SRPK2: variants seen among roughly 807,000 people sequenced by gnomAD.
SRPK2 encodes the protein SRSF protein kinase 2.
In SRPK2, 21 loss-of-function variants were observed where a neutral mutation model predicts 90.8. That is an observed-to-expected ratio of 0.23 (90% CI 0.16 to 0.33). The LOEUF is 0.33. Among genes scored for constraint, SRPK2 ranks in the 10% least tolerant of loss-of-function variants. The pLI is 1.00. For synonymous variants in SRPK2, 288 were observed against 311.1 expected (o/e 0.93, Z 0.78); for missense variants, 620 against 869.0 (o/e 0.71, Z 3.60).
At chr7:105,245,291 TG>T (rs1801490539) in intron 2 of SRPK2, among the ~76,000 whole-genome samples, 1 of 151,738 alleles carries the variant, frequency 6.6e-6, no homozygotes, top group Admixed American at 6.6e-5. Context: ...CCCTCTGCAG[TG>T]GGATGGTAAG....
intron 3 of SRPK2, among the ~76,000 whole-genome samples, chr7:105,198,323 G>A (rs1795159893): frequency 6.7e-6 from 1 of 148,606 alleles, no homozygotes; most frequent in Non-Finnish European, 1.5e-5. Flanking sequence ...CACAAAAGGA[G>A]GTTTGGCTGT....
rs1164727824 is a variant in SRPK2 at position 105,336,752 on chromosome 7, T to TA, written c.71+51895dup. On this transcript the variant is annotated intron_variant, in intron 2 of 15. Coordinates refer to ENST00000393651, the MANE Select transcript of SRPK2 (RefSeq NM_182692.3). Reference sequence around the variant, plus strand: ...GTTCCCAATTCTAATAAATCAACTGTAAAAAGGCATTCCCTACAGTAACTG... The same window carrying TA: ...GTTCCCAATTCTAATAAATCAACTGTAAAAAAGGCATTCCCTACAGTAACTG... Among the ~76,000 whole-genome samples, 4 of 152,306 alleles carry TA rather than the reference T, an allele frequency of 2.6e-5. No homozygotes were observed. In the East Asian group the frequency reaches 7.7e-4, roughly 29 times the overall value.
In SRPK2 at chr7:105,203,613, T is replaced by C. The variant is rs1262550799; in HGVS notation, c.229+15A>G. On this transcript the variant is annotated intron_variant, in intron 3 of 15. Coordinates refer to ENST00000393651, the MANE Select transcript of SRPK2 (RefSeq NM_182692.3). ...GGGGAAGGCAAGCCCCACACCACCA[T>C]GCTTGGCACATCACCTTTGCAGTAG... The C allele has an allele frequency of 1.4e-6, 2 of 1,475,728 alleles. No individual in the cohort carries two copies. Among genetic ancestry groups the C allele is most frequent in the South Asian group, 1.4e-5 (1 of 70,470 alleles). The allele number at this position is 1,475,728 out of a possible 1,614,324, so 91.4% of individuals were successfully genotyped here. A position where few individuals can be genotyped will look rare whatever the true frequency, so the allele number is the denominator to read the frequency against.
At chr7:105,123,992 A>G (rs1800769600) in intron 15 of SRPK2, among the ~76,000 whole-genome samples, 1 of 152,264 alleles carries the variant, frequency 6.6e-6, no homozygotes, top group African/African-American at 2.4e-5. Context: ...AAAGAACTCG[A>G]TCACGTAAGT....
chr7:105,272,416 AAT>A (rs1805944365), intron 2 of SRPK2, among the ~76,000 whole-genome samples: 2 of 152,192 alleles, frequency 1.3e-5, no homozygotes, highest in Admixed American at 1.3e-4. Flanking sequence ...AGTTTGAATA[AAT>A]ATATTTTAAA....
chr7:105,241,399 T>A (rs532539421), intron 2 of SRPK2, among the ~76,000 whole-genome samples: 1 of 152,330 alleles, frequency 6.6e-6, no homozygotes, highest in South Asian at 2.1e-4. Context: ...CAAGTTCATA[T>A]GAAAATCCTG....
intron 15 of SRPK2, among the ~76,000 whole-genome samples, chr7:105,120,525 A>C (rs1382513163): frequency 6.6e-6 from 1 of 152,166 alleles, no homozygotes; most frequent in Non-Finnish European, 1.5e-5. Context: ...ATATCTAACT[A>C]CTTTTAACAA....
intron 2 of SRPK2, among the ~76,000 whole-genome samples, chr7:105,351,383 G>A (rs1031578100): frequency 1.4e-4 from 21 of 151,984 alleles, no homozygotes; most frequent in Admixed American, 6.6e-4. Flanking sequence ...TTAAGGATGG[G>A]CAACAGGCTC....
intron 2 of SRPK2, among the ~76,000 whole-genome samples, chr7:105,290,982 G>A (rs1585561346): frequency 6.9e-6 from 1 of 144,532 alleles, no homozygotes; most frequent in Non-Finnish European, 1.5e-5. Context: ...AGCTTGCAGT[G>A]AGCCGAGATT....
chr7:105,362,996 T>C (rs1018829816), intron 2 of SRPK2, among the ~76,000 whole-genome samples: 5 of 151,910 alleles, frequency 3.3e-5, no homozygotes, highest in Non-Finnish European at 4.4e-5. Context: ...ATGAGAACAC[T>C]TGGACACAGG....
chr7:105,390,352 G>A (rs371992434), upstream of SRPK2, among the ~76,000 whole-genome samples: 14 of 152,100 alleles, frequency 9.2e-5, no homozygotes, highest in Admixed American at 2.0e-4. Context: ...AGGATCATCC[G>A]TTGCATTTAA....
intron 11 of SRPK2, among the ~76,000 whole-genome samples, chr7:105,136,758 T>C (rs1052350399): frequency 1.3e-5 from 2 of 152,116 alleles, no homozygotes; most frequent in African/African-American, 4.8e-5. Context: ...ATCCCCTCTA[T>C]ATGGAGGAGG....
chr7:105,170,825 GAGAAAGAAAGGAAGAAAGAAAGAA>G (rs1246833773), intron 3 of SRPK2, among the ~76,000 whole-genome samples: 2 of 104,286 alleles, frequency 1.9e-5, no homozygotes, highest in African/African-American at 4.3e-5. Flanking sequence ...GGGAGAGAAA[GAGAAAGAAAGGAAGAAAGAAAGAA>G]AGAAAGAAAG....
chr7:105,136,718 A>G (rs979822310), intron 11 of SRPK2, among the ~76,000 whole-genome samples: 6 of 152,234 alleles, frequency 3.9e-5, no homozygotes, highest in Non-Finnish European at 7.3e-5. Context: ...TCTTTACATC[A>G]TAAGGGGTCC....
At chr7:105,373,790 T>C (rs1467423323) in intron 2 of SRPK2, among the ~76,000 whole-genome samples, 1 of 152,132 alleles carries the variant, frequency 6.6e-6, no homozygotes, top group East Asian at 1.9e-4. Flanking sequence ...CTGTCGTAAG[T>C]GCTTTAAATG....
intron 2 of SRPK2, among the ~76,000 whole-genome samples, chr7:105,277,234 G>A (rs1250168946): frequency 3.3e-5 from 5 of 152,006 alleles, no homozygotes; most frequent in Admixed American, 1.3e-4. Context: ...CCACTACCAC[G>A]TCCGGCTAAT....
At chr7:105,372,136 TAAAAAAAAAAAAAAAA>T in intron 2 of SRPK2, among the ~76,000 whole-genome samples, 1 of 76,782 alleles carries the variant, frequency 1.3e-5, no homozygotes, top group African/African-American at 5.2e-5. Context: ...CTCCAACTCA[TAAAAAAAAAAAAAAAA>T]AAAAAAAAAA....
At chr7:105,388,989 C>CGCCCCGCCCCCACCCGCCG, upstream of SRPK2, 1 of 1,042,222 alleles carries the variant, frequency 9.6e-7, no homozygotes, top group Non-Finnish European at 1.2e-6. Context: ...GCCCCGCCCC[C>CGCCCCGCCCCCACCCGCCG]GCCCCGCCCC....
chr7:105,121,173 C>A (rs1318117157), intron 15 of SRPK2, among the ~76,000 whole-genome samples: 1 of 151,842 alleles, frequency 6.6e-6, no homozygotes, highest in Non-Finnish European at 1.5e-5. Context: ...CATGGTGAAA[C>A]CCGATCTCTA....
Sources: allele counts gnomAD v4.1 joint callset (sites outside exome capture counted in the v4.1 genomes callset), GRCh38; gene constraint gnomAD v4.1.1; transcripts MANE v1.5; gene names NCBI Gene and HGNC (gene_info 2026-07-23, HGNC 2026-07-21).